The following CRHR2 variants were observed in gnomAD, a reference collection of about 807,000 sequenced individuals.
CRHR2 encodes corticotropin releasing hormone receptor 2.
A neutral mutation model predicts 57.9 loss-of-function variants in CRHR2; 53 were observed. That is an observed-to-expected ratio of 0.92 (90% CI 0.73 to 1.15). The LOEUF is 1.15. Among genes scored for constraint, CRHR2 ranks in the 50% most tolerant of loss-of-function variants. The probability of loss-of-function intolerance (pLI) is 0.00; values close to 1 mark genes in which losing one functional copy is unlikely to be tolerated. For missense variants in CRHR2, 532 were observed against 542.6 expected, an observed-to-expected ratio of 0.98 and a Z score of 0.19; for synonymous variants, 213 against 220.9, an observed-to-expected ratio of 0.96 and a Z score of 0.32.
In CRHR2 at chr7:30,652,336, C is replaced by T. The variant is rs933715721; in HGVS notation, c.*1124G>A. On this transcript the variant is annotated 3_prime_UTR_variant, in exon 12 of 12. Coordinates refer to ENST00000471646, the MANE Select transcript of CRHR2 (RefSeq NM_001883.5). This position sits in a 1 kb window ranked among gnomAD's most constrained non-coding sequence, Gnocchi z 4.4. ...CACACCTCCTCCAGGCTGAATCAAGCTGCCCTTGGTTGGGGGCTGGGGCCA... is the reference window on the plus strand; with the variant it reads ...CACACCTCCTCCAGGCTGAATCAAGTTGCCCTTGGTTGGGGGCTGGGGCCA... 1.3e-5 allele frequency: 2 copies of T among 152,446 alleles called. No homozygotes were observed. The highest frequency in any genetic ancestry group is 2.9e-5 in the Non-Finnish European group (2 of 68,252). The allele number at this position is 152,446 out of a possible 1,614,324, so 9.4% of individuals were successfully genotyped here.
chr7:30,662,955 G>A, intron 5 of CRHR2, 108 bp from the exon 6 acceptor site: 1 of 1,315,698 alleles, frequency 7.6e-7, no homozygotes, highest in Admixed American at 2.6e-5. Context: ...GGGGGTTCGT[G>A]GACATGCCAT....
chr7:30,686,274 T>A, upstream of CRHR2: 1 of 1,330,482 alleles, frequency 7.5e-7, no homozygotes, highest in Non-Finnish European at 9.7e-7. Flanking sequence ...TTGTCTCATC[T>A]ACCAGCCCAT....
chr7:30,682,530 G>A, upstream of CRHR2: 1 of 1,248,268 alleles, frequency 8.0e-7, no homozygotes, highest in Admixed American at 4.5e-5. Context: ...GCCAATGGCT[G>A]CGCCGGGGGG....
At chr7:30,668,070 A>C (rs557719004) in intron 2 of CRHR2, among the ~76,000 whole-genome samples, 40 of 152,356 alleles carry the variant, frequency 2.6e-4, no homozygotes, top group African/African-American at 9.6e-4. Flanking sequence ...AGATGTTTCT[A>C]AATGTTCAAG....
At chr7:30,673,422 G>C (rs1265030453) in intron 2 of CRHR2, among the ~76,000 whole-genome samples, 1 of 151,752 alleles carries the variant, frequency 6.6e-6, no homozygotes, top group African/African-American at 2.4e-5. Flanking sequence ...CTCACTATGT[G>C]GTTTTGGCTG....
At chr7:30,668,805 C>T (rs1226419792) in intron 2 of CRHR2, among the ~76,000 whole-genome samples, 1 of 152,176 alleles carries the variant, frequency 6.6e-6, no homozygotes, top group Non-Finnish European at 1.5e-5. Flanking sequence ...CTGGCAGGGC[C>T]CTGCCATCCC....
chr7:30,671,877 AGAGGAG>A lies in CRHR2; in HGVS notation c.230-4570_230-4565del, dbSNP rs1237510216. Among the ~76,000 whole-genome samples, 4 of 127,630 alleles carry A rather than the reference AGAGGAG, an allele frequency of 3.1e-5. No individual in the cohort carries two copies. The East Asian group carries it at 6.1e-4, about 19-fold the overall frequency. The allele number at this position is 127,630 out of a possible 152,430, so 83.7% of individuals were successfully genotyped here. ...GATGATAGAAGAAGAAGGAGGATGA[AGAGGAG>A]GAGGAGGAGGAGAAGAAGAAGAGGT... On this transcript the variant is annotated intron_variant, in intron 2 of 11. Coordinates refer to ENST00000471646, the MANE Select transcript of CRHR2 (RefSeq NM_001883.5).
chr7:30,653,618 G>A lies in CRHR2; in HGVS notation c.1096-18C>T. 6.3e-7 allele frequency: 1 copy of A among 1,597,698 alleles called. No homozygotes were observed. The highest frequency in any genetic ancestry group is 1.3e-5 in the African/African-American group (1 of 74,882). ...GAGCGCACCTGTGGGGAAGGCAGAG[G>A]CTCAGCTGGCTCCCAGGGACCAACC... On this transcript the variant is annotated intron_variant, in intron 11 of 11. Coordinates refer to ENST00000471646, the MANE Select transcript of CRHR2 (RefSeq NM_001883.5). This position sits in a 1 kb window ranked among gnomAD's most constrained non-coding sequence, Gnocchi z 5.0.
At chr7:30,682,089 G>C in intron 1 of CRHR2, 49 bp from the exon 2 acceptor site, 1 of 1,546,364 alleles carries the variant, frequency 6.5e-7, no homozygotes, top group Non-Finnish European at 8.7e-7. Context: ...CCGCAGGGAC[G>C]CGGGGCTCTC....
intron 1 of CRHR2, among the ~76,000 whole-genome samples, chr7:30,696,599 C>G (rs1007456432): frequency 6.6e-6 from 1 of 152,038 alleles, no homozygotes; most frequent in Non-Finnish European, 1.5e-5. Context: ...TGGCAGGCGC[C>G]TATAGTCCTG....
At position 30,665,323 on chromosome 7, in the gene CRHR2, AC is replaced by A; in HGVS notation, c.426-137del. On this transcript the variant is annotated intron_variant, in intron 4 of 11. Transcript: ENST00000471646. This position sits in a 1 kb window ranked among gnomAD's most constrained non-coding sequence, Gnocchi z 4.5. ...GAGCCACTTCCCACCCATGGTGGCC[AC>A]AGTTGGGCCTCTGAGTCCAGCTCCC... is the stretch of plus-strand genomic sequence containing the variant. 1 of 852,082 alleles carries A rather than the reference AC, an allele frequency of 1.2e-6. No homozygotes were observed. Among genetic ancestry groups the A allele is most frequent in the East Asian group, 2.7e-5 (1 of 37,696 alleles). 52.8% of individuals were successfully genotyped at this position (852,082 alleles called of 1,614,324 possible).
In CRHR2 at chr7:30,652,095, AT is replaced by A. The variant is rs1203801904; in HGVS notation, c.*1364del. ...CGGGATACATGATTTTTCAAAACTT[AT>A]TTTTGTAGGGGGTACCTAGAGCATT... is the stretch of plus-strand genomic sequence containing the variant. On this transcript the variant is annotated 3_prime_UTR_variant, in exon 12 of 12. Coordinates refer to ENST00000471646, the MANE Select transcript of CRHR2 (RefSeq NM_001883.5). The surrounding 1 kb of genome is among the most constrained non-coding windows in gnomAD (Gnocchi z 4.4). The A allele has an allele frequency of 1.3e-5, 2 of 152,202 alleles. No homozygotes were observed. Among genetic ancestry groups the A allele is most frequent in the Non-Finnish European group, 2.9e-5 (2 of 68,034 alleles). 9.4% of individuals were successfully genotyped at this position (152,202 alleles called of 1,614,324 possible).
chr7:30,660,684 G>T, intron 7 of CRHR2, 39 bp from the exon 8 acceptor site: 1 of 1,543,580 alleles, frequency 6.5e-7, no homozygotes. Flanking sequence ...CTCCTGAGCT[G>T]GAACTGGGGG....
upstream of CRHR2, among the ~76,000 whole-genome samples, chr7:30,684,053 A>G (rs1584133053): frequency 6.6e-6 from 1 of 152,226 alleles, no homozygotes; most frequent in Non-Finnish European, 1.5e-5. Context: ...GACTGGCAGG[A>G]ACAAGATGCT....
intron 7 of CRHR2, 81 bp downstream of exon 7, chr7:30,662,075 T>C: frequency 6.8e-7 from 1 of 1,479,356 alleles, no homozygotes; most frequent in Non-Finnish European, 9.4e-7. Flanking sequence ...GCTCCACGGC[T>C]TGGCCAGAGC....
chr7:30,689,354 C>T, intron 1 of CRHR2: 1 of 1,272,654 alleles, frequency 7.9e-7, no homozygotes, highest in African/African-American at 1.5e-5. Context: ...TGTCTGCCCC[C>T]ATCCTATCCT....
intron 3 of CRHR2, among the ~76,000 whole-genome samples, chr7:30,666,561 C>G (rs1483465541): frequency 6.6e-6 from 1 of 152,234 alleles, no homozygotes; most frequent in African/African-American, 2.4e-5. Flanking sequence ...CTGTGGCTCA[C>G]ATTTTGCAGA....
At chr7:30,654,943 C>A (rs1783722229) in intron 11 of CRHR2, 96 bp downstream of exon 11, 1 of 1,563,008 alleles carries the variant, frequency 6.4e-7, no homozygotes. Context: ...CTCTCCCTGG[C>A]ACTCCAGCAA....
At chr7:30,697,638 A>G (rs1324585963) in intron 1 of CRHR2, among the ~76,000 whole-genome samples, 4 of 151,910 alleles carry the variant, frequency 2.6e-5, no homozygotes, top group African/African-American at 7.3e-5. Context: ...AACCCTTACA[A>G]TTGCAGATCA....
Sources: gnomAD v4.1 joint callset for allele counts (sites outside exome capture counted in the v4.1 genomes callset) on GRCh38, gnomAD v4.1.1 for gene constraint, Gnocchi (gnomAD v3.1) non-coding constraint, MANE v1.5 for transcripts, NCBI Gene and HGNC (gene_info 2026-07-23, HGNC 2026-07-21) for gene names.